Variants in ADIPOR1 observed in about 807,000 individuals in gnomAD.
ADIPOR1 encodes adiponectin receptor protein 1.
A neutral mutation model predicts 37.5 loss-of-function variants in ADIPOR1; 15 were observed. That is an observed-to-expected ratio of 0.40 (90% CI 0.27 to 0.62). ADIPOR1 has a LOEUF of 0.62. Ranked by LOEUF, ADIPOR1 falls within the 20% of genes least tolerant of loss-of-function variation. ADIPOR1 has a pLI of 0.42. For synonymous variants in ADIPOR1, 173 were observed against 173.2 expected (o/e 1.00, Z 0.01); for missense variants, 286 against 478.0 (o/e 0.60, Z 3.75).
rs1262431223 is a variant in ADIPOR1 at position 202,945,178 on chromosome 1, G to C, written c.431-9C>G. 1 of 1,576,700 alleles carries C rather than the reference G, an allele frequency of 6.3e-7. No individual in the cohort carries two copies. Among genetic ancestry groups the C allele is most frequent in the Admixed American group, 2.0e-5 (1 of 50,382 alleles). On this transcript the variant is annotated splice_polypyrimidine_tract_variant and intron_variant, in intron 4 of 7. Transcript: ENST00000340990. ...GAGAAACAGCACGAAACCTGCAGGA[G>C]GGTAAAATAAAAAAAACCTGTAAGA...
At chr1:202,941,965 C>G in intron 7 of ADIPOR1, 60 bp downstream of exon 7, 2 of 1,524,918 alleles carry the variant, frequency 1.3e-6, no homozygotes, top group South Asian at 2.5e-5. Flanking sequence ...TTTCCTCAGC[C>G]CTTTAACTTT....
chr1:202,949,569 ACT>A (rs60212334), intron 2 of ADIPOR1, among the ~76,000 whole-genome samples: 5,796 of 112,006 alleles, frequency 0.052, 160 homozygotes, highest in South Asian at 0.14. Context: ...CGACAGCGAG[ACT>A]CTGTCTCCAA....
intron 2 of ADIPOR1, among the ~76,000 whole-genome samples, chr1:202,948,936 G>A (rs964522022): frequency 6.6e-6 from 1 of 151,160 alleles, no homozygotes; most frequent in African/African-American, 2.4e-5. Context: ...GATTACAGGC[G>A]CCCACCACCA....
intron 3 of ADIPOR1, 56 bp from the exon 4 acceptor site, chr1:202,946,666 C>A: frequency 6.3e-7 from 1 of 1,578,024 alleles, no homozygotes. Flanking sequence ...TCCCCAAGGA[C>A]AAGCAGTGAT....
In ADIPOR1 at chr1:202,942,401, T is replaced by C. The variant is rs564395286; in HGVS notation, c.806-183A>G. Among the ~76,000 whole-genome samples, 5 of 152,366 alleles carry C rather than the reference T, an allele frequency of 3.3e-5. 1 individual carries two copies. The South Asian group carries it at 6.2e-4, about 19-fold the overall frequency. ...ACAGATATTTCTTCTATGTCCTGAA[T>C]GGGAAGAAGCTGTGTAAGTGCTTAC... On this transcript the variant is annotated intron_variant, in intron 6 of 7. Transcript: ENST00000340990.
In ADIPOR1 at chr1:202,941,505, A is replaced by C; in HGVS notation, c.*68T>G. 1.3e-6 allele frequency: 2 copies of C among 1,542,792 alleles called. No homozygotes were observed. Among genetic ancestry groups the C allele is most frequent in the South Asian group, 1.3e-5 (1 of 79,380 alleles). On this transcript the variant is annotated 3_prime_UTR_variant, in exon 8 of 8. Coordinates refer to ENST00000340990, the MANE Select transcript of ADIPOR1 (RefSeq NM_015999.6). ...ACAGACAACTCAGACTCTTCCTCTC[A>C]CTTCAGCAAAGAAGTTATTTTTAAA...
intron 1 of ADIPOR1, 87 bp from the exon 2 acceptor site, chr1:202,951,251 TC>T: frequency 4.5e-6 from 3 of 662,296 alleles, no homozygotes; most frequent in Non-Finnish European, 7.4e-6. Context: ...AAGAAGCTAA[TC>T]AACTCATATC....
intron 1 of ADIPOR1, among the ~76,000 whole-genome samples, chr1:202,953,251 A>C (rs201695416): frequency 6.9e-6 from 1 of 145,390 alleles, no homozygotes; most frequent in African/African-American, 2.5e-5. Flanking sequence ...AAAAAAAAAA[A>C]CCAAAAAACA....
At chr1:202,944,952 A>G (rs1322040448) in intron 5 of ADIPOR1, 31 bp downstream of exon 5, 1 of 1,583,728 alleles carries the variant, frequency 6.3e-7, no homozygotes, top group African/African-American at 1.4e-5. Flanking sequence ...AACAGTGCAC[A>G]GTATTTTCCT....
At chr1:202,945,890 C>G (rs1654291039) in intron 4 of ADIPOR1, among the ~76,000 whole-genome samples, 1 of 151,818 alleles carries the variant, frequency 6.6e-6, no homozygotes, top group Non-Finnish European at 1.5e-5. Flanking sequence ...GGGTGTGAGA[C>G]AGAAAAACTA....
intron 5 of ADIPOR1, 38 bp downstream of exon 5, chr1:202,944,945 A>G (rs1229379280): frequency 6.5e-7 from 1 of 1,542,416 alleles, no homozygotes; most frequent in African/African-American, 1.4e-5. Context: ...ATGTGACAAC[A>G]GTGCACAGTA....
chr1:202,956,945 A>C (rs902894632), intron 1 of ADIPOR1, among the ~76,000 whole-genome samples: 13 of 152,236 alleles, frequency 8.5e-5, no homozygotes, highest in African/African-American at 3.1e-4. Flanking sequence ...TTTCTACTCT[A>C]CAATTAGGTA....
intron 1 of ADIPOR1, among the ~76,000 whole-genome samples, chr1:202,954,007 T>A (rs1399853790): frequency 6.6e-6 from 1 of 152,198 alleles, no homozygotes; most frequent in African/African-American, 2.4e-5. Context: ...TCTGAAAAGT[T>A]TTTATGCCCT....
In ADIPOR1 at chr1:202,951,139, C is replaced by T. The variant is rs1275401221; in HGVS notation, c.-69G>A. On this transcript the variant is annotated 5_prime_UTR_variant, in exon 2 of 8. Transcript: ENST00000340990. ...GTTGGGGTCTCTCAGCCCCAGGGGG[C>T]AGAGATCTCCCTCTGATGGTAGACA... The T allele has an allele frequency of 8.2e-6, 13 of 1,587,172 alleles. No homozygotes were observed. The East Asian group carries it at 2.9e-4, about 36-fold the overall frequency.
At chr1:202,951,620 G>A (rs891892719) in intron 1 of ADIPOR1, among the ~76,000 whole-genome samples, 5 of 152,218 alleles carry the variant, frequency 3.3e-5, no homozygotes, top group African/African-American at 4.8e-5. Context: ...GCTTAGAAAT[G>A]AATTAAATGC....
intron 2 of ADIPOR1, among the ~76,000 whole-genome samples, chr1:202,949,199 C>T (rs189396356): frequency 2.6e-5 from 4 of 152,248 alleles, no homozygotes; most frequent in Non-Finnish European, 5.9e-5. Context: ...ATGATTGAAA[C>T]TTTGTATCTA....
At chr1:202,951,641 CAGTT>C (rs1461728717) in intron 1 of ADIPOR1, among the ~76,000 whole-genome samples, 38 of 152,342 alleles carry the variant, frequency 2.5e-4, no homozygotes, top group African/African-American at 7.9e-4. Context: ...CAACTGAACT[CAGTT>C]AGACCTTATC....
intron 6 of ADIPOR1, among the ~76,000 whole-genome samples, chr1:202,942,855 T>TTTTC (rs201917303): frequency 7.3e-6 from 1 of 137,004 alleles, no homozygotes; most frequent in Non-Finnish European, 1.6e-5. Context: ...TATTTTTTTC[T>TTTTC]TTTCTTTCTT....
chr1:202,942,355 C>T, intron 6 of ADIPOR1, 137 bp from the exon 7 acceptor site: 1 of 744,216 alleles, frequency 1.3e-6, no homozygotes, highest in Admixed American at 3.2e-5. Context: ...GGAAACTTAG[C>T]TACAAGATGG....
Sources: allele counts gnomAD v4.1 joint callset (sites outside exome capture counted in the v4.1 genomes callset), GRCh38; gene constraint gnomAD v4.1.1; transcripts MANE v1.5; gene names NCBI Gene and HGNC (gene_info 2026-07-23, HGNC 2026-07-21).